The following GPC6 variants were observed in gnomAD, a reference collection of about 807,000 sequenced individuals.
GPC6 encodes glypican-6.
In GPC6, 14 loss-of-function variants were observed where a neutral mutation model predicts 55.2. The ratio of observed to expected loss-of-function variants is 0.25; its 90% confidence interval spans 0.17 to 0.40. The LOEUF is 0.40. GPC6 is among the 10% of genes least tolerant of loss of function. The pLI is 1.00. For missense variants in GPC6, 641 were observed against 708.5 expected (o/e 0.90, Z 1.08); for synonymous variants, 278 against 259.6 (o/e 1.07, Z -0.68).
intron 6 of GPC6, among the ~76,000 whole-genome samples, chr13:94,348,971 C>CTATTTATTTTTTTTTT (rs1878411702): frequency 1.3e-5 from 2 of 152,170 alleles, no homozygotes; most frequent in African/African-American, 4.8e-5. Context: ...CAGAGAGTTG[C>CTATTTATTTTTTTTTT]ATTTATTTAT....
intron 3 of GPC6, among the ~76,000 whole-genome samples, chr13:93,864,241 C>T (rs960583807): frequency 6.6e-6 from 1 of 151,654 alleles, no homozygotes; most frequent in East Asian, 2.0e-4. Flanking sequence ...AAGATGATAA[C>T]TGCCTTTCTC....
chr13:93,905,971 T>G (rs911596500), intron 3 of GPC6, among the ~76,000 whole-genome samples: 1 of 152,220 alleles, frequency 6.6e-6, no homozygotes, highest in Non-Finnish European at 1.5e-5. Flanking sequence ...AATCTTAGAA[T>G]AAATACTGAC....
At chr13:93,358,876 C>T (rs1451398341) in intron 1 of GPC6, among the ~76,000 whole-genome samples, 2 of 151,896 alleles carry the variant, frequency 1.3e-5, no homozygotes, top group African/African-American at 4.8e-5. Context: ...CAGTGTGTTA[C>T]TGTGTAATAG....
rs193075766 is a variant in GPC6 at position 93,514,745 on chromosome 13, G to A, written c.161-30518G>A. On this transcript the variant is annotated intron_variant, in intron 1 of 8. Coordinates refer to ENST00000377047, the MANE Select transcript of GPC6 (RefSeq NM_005708.5). Reference sequence around the variant, plus strand: ...GATGGAGGCTTTAAAAGTCAGACTGGGATTTGTTCAGAGAAGGGAATGAGT... The same window carrying A: ...GATGGAGGCTTTAAAAGTCAGACTGAGATTTGTTCAGAGAAGGGAATGAGT... Among the ~76,000 whole-genome samples, 745 of 152,214 alleles carry A rather than the reference G, an allele frequency of 4.9e-3. 2 individuals are homozygous for A. The highest frequency in any genetic ancestry group is 0.017 in the African/African-American group (692 of 41,524).
chr13:93,594,817 G>A (rs1271261292), intron 2 of GPC6, among the ~76,000 whole-genome samples: 1 of 151,304 alleles, frequency 6.6e-6, no homozygotes, highest in African/African-American at 2.4e-5. Flanking sequence ...AGCCTCACAA[G>A]TTGGAAGGGG....
At chr13:93,905,645 A>G (rs1184442345) in intron 3 of GPC6, among the ~76,000 whole-genome samples, 1 of 152,190 alleles carries the variant, frequency 6.6e-6, no homozygotes, top group African/African-American at 2.4e-5. Flanking sequence ...TATGTTTTGG[A>G]ATTTTGTTTT....
chr13:93,421,422 A>C (rs1408216), intron 1 of GPC6, among the ~76,000 whole-genome samples: 17,812 of 152,054 alleles, frequency 0.12, 1,124 homozygotes, highest in Non-Finnish European at 0.12. Context: ...TTTAAAAAAA[A>C]CATTCTTAAT....
At chr13:93,774,815 A>C (rs754768259) in intron 2 of GPC6, among the ~76,000 whole-genome samples, 1 of 152,136 alleles carries the variant, frequency 6.6e-6, no homozygotes, top group Non-Finnish European at 1.5e-5. Flanking sequence ...GGAGACCATC[A>C]ATTGGTTTAA....
chr13:93,757,563 G>T (rs1244825624), intron 2 of GPC6, among the ~76,000 whole-genome samples: 1 of 152,184 alleles, frequency 6.6e-6, no homozygotes, highest in African/African-American at 2.4e-5. Context: ...CCCTTTGTCA[G>T]TGAACATTGC....
intron 2 of GPC6, among the ~76,000 whole-genome samples, chr13:93,679,915 T>C (rs1881786158): frequency 6.6e-6 from 1 of 151,978 alleles, no homozygotes; most frequent in South Asian, 2.1e-4. Flanking sequence ...AAATGGGACA[T>C]GTGCCCTCAG....
In GPC6 at chr13:93,556,695, C is replaced by T. The variant is rs570569881; in HGVS notation, c.319+11274C>T. Among the ~76,000 whole-genome samples the T allele has an allele frequency of 2.0e-5, 3 of 152,076 alleles. No homozygotes were observed. In the East Asian group the frequency reaches 5.8e-4, roughly 29 times the overall value. Reference sequence around the variant, plus strand: ...GCCAGCCCCACCTCTCCACCACTCACTCGCTGCCCGTCACTCCCCTTCCCA... The same window carrying T: ...GCCAGCCCCACCTCTCCACCACTCATTCGCTGCCCGTCACTCCCCTTCCCA... On this transcript the variant is annotated intron_variant, in intron 2 of 8. Coordinates refer to ENST00000377047, the MANE Select transcript of GPC6 (RefSeq NM_005708.5).
chr13:93,756,931 T>C (rs917219546), intron 2 of GPC6, among the ~76,000 whole-genome samples: 1 of 152,172 alleles, frequency 6.6e-6, no homozygotes, highest in African/African-American at 2.4e-5. Context: ...TTTTCCAGAC[T>C]TAAGTTCCAC....
chr13:94,108,829 C>A (rs1162799697), intron 4 of GPC6, among the ~76,000 whole-genome samples: 2 of 148,404 alleles, frequency 1.3e-5, no homozygotes, highest in African/African-American at 5.0e-5. Flanking sequence ...GCAACAAGAG[C>A]GAGACTCCGT....
intron 1 of GPC6, among the ~76,000 whole-genome samples, chr13:93,495,729 T>C (rs1880237900): frequency 7.7e-6 from 1 of 129,180 alleles, no homozygotes; most frequent in Non-Finnish European, 1.7e-5. Context: ...TGTTTGTTAG[T>C]ATTCCTTCTA....
chr13:93,703,137 G>C (rs1458874688), intron 2 of GPC6, among the ~76,000 whole-genome samples: 1 of 151,750 alleles, frequency 6.6e-6, no homozygotes, highest in Non-Finnish European at 1.5e-5. Context: ...TGAATACTTA[G>C]AGGCCATTGT....
chr13:93,794,368 T>C (rs1886136725), intron 2 of GPC6, among the ~76,000 whole-genome samples: 1 of 152,194 alleles, frequency 6.6e-6, no homozygotes, highest in African/African-American at 2.4e-5. Context: ...TCTGAAACTC[T>C]GGGAGTGGGG....
chr13:93,385,591 A>G (rs2813615), intron 1 of GPC6, among the ~76,000 whole-genome samples: 16,326 of 152,178 alleles, frequency 0.11, 981 homozygotes, highest in African/African-American at 0.12. Context: ...GAACTCACTC[A>G]TGTTTAACTC....
chr13:93,898,966 T>TAC lies in GPC6; in HGVS notation c.711+68429_711+68430dup, dbSNP rs1555340187. Among the ~76,000 whole-genome samples the TAC allele has an allele frequency of 5.4e-3, 745 of 137,042 alleles. 13 individuals carry two copies. Among genetic ancestry groups the TAC allele is most frequent in the African/African-American group, 0.018 (664 of 37,716 alleles). 89.9% of individuals were successfully genotyped at this position (137,042 alleles called of 152,430 possible). A position where few individuals can be genotyped will look rare whatever the true frequency, so the allele number is the denominator to read the frequency against. On this transcript the variant is annotated intron_variant, in intron 3 of 8. Transcript: ENST00000377047. ...ATATATATATATATATATATATATA[T>TAC]ACACACACATATATATACATACATC... is the stretch of plus-strand genomic sequence containing the variant.
At chr13:93,990,453 G>A (rs1024547919) in intron 3 of GPC6, among the ~76,000 whole-genome samples, 1 of 152,082 alleles carries the variant, frequency 6.6e-6, no homozygotes, top group African/African-American at 2.4e-5. Flanking sequence ...AAAATGTACA[G>A]TTGGGAGAAA....
Sources: allele counts gnomAD v4.1 joint callset (sites outside exome capture counted in the v4.1 genomes callset), GRCh38; gene constraint gnomAD v4.1.1; transcripts MANE v1.5; gene names NCBI Gene and HGNC (gene_info 2026-07-23, HGNC 2026-07-21).